The following MCU variants were observed in gnomAD, a reference collection of about 807,000 sequenced individuals.
The protein encoded by MCU is calcium uniporter protein, mitochondrial.
Under a neutral mutation model 45.2 loss-of-function variants are expected in MCU, and 12 were observed. The ratio of observed to expected loss-of-function variants is 0.27; its 90% CI spans 0.17 to 0.43. The LOEUF (loss-of-function observed/expected upper bound fraction) is 0.43. Ranked by LOEUF, MCU falls within the 20% of genes least tolerant of loss-of-function variation. The probability of loss-of-function intolerance (pLI) is 1.00; values close to 1 mark genes in which losing one functional copy is unlikely to be tolerated. For synonymous variants in MCU, 160 were observed against 165.1 expected (o/e 0.97, Z 0.24); for missense variants, 324 against 436.7 (o/e 0.74, Z 2.30).
intron 1 of MCU, among the ~76,000 whole-genome samples, chr10:72,738,602 G>T (rs565803902): frequency 3.9e-5 from 6 of 152,296 alleles, no homozygotes; most frequent in Non-Finnish European, 5.9e-5. Flanking sequence ...CAAAGCCAAA[G>T]GAAATGTTAT....
intron 1 of MCU, among the ~76,000 whole-genome samples, chr10:72,693,787 T>A (rs1198206351): frequency 6.6e-6 from 1 of 152,252 alleles, no homozygotes; most frequent in African/African-American, 2.4e-5. Flanking sequence ...TTATGTGTTT[T>A]GTTCTCTTAA....
chr10:72,786,596 A>G (rs1792229730), intron 1 of MCU, among the ~76,000 whole-genome samples: 1 of 152,094 alleles, frequency 6.6e-6, no homozygotes, highest in Non-Finnish European at 1.5e-5. Context: ...AAATACAAAA[A>G]TTAGCAGGGC....
intron 2 of MCU, among the ~76,000 whole-genome samples, chr10:72,848,900 T>C (rs1364610067): frequency 6.6e-6 from 1 of 152,082 alleles, no homozygotes; most frequent in Non-Finnish European, 1.5e-5. Context: ...AATTACAATG[T>C]AGCTGATAGA....
chr10:72,752,976 G>T (rs986108757), intron 1 of MCU, among the ~76,000 whole-genome samples: 3 of 152,164 alleles, frequency 2.0e-5, no homozygotes, highest in Admixed American at 6.5e-5. Context: ...ACAGTCTGCT[G>T]GTTTCTGCAT....
intron 1 of MCU, among the ~76,000 whole-genome samples, chr10:72,772,340 C>T (rs1457438145): frequency 1.3e-5 from 2 of 152,178 alleles, no homozygotes; most frequent in African/African-American, 4.8e-5. Context: ...TGATCATTTC[C>T]TAGAGCTGAA....
intron 1 of MCU, among the ~76,000 whole-genome samples, chr10:72,739,697 A>ATT (rs748921054): frequency 2.8e-5 from 4 of 141,278 alleles, no homozygotes; most frequent in Non-Finnish European, 1.6e-5. Flanking sequence ...GAACATTAAG[A>ATT]TTTTTTTTTT....
At chr10:72,712,122 T>C (rs1339068822) in intron 1 of MCU, among the ~76,000 whole-genome samples, 1 of 152,244 alleles carries the variant, frequency 6.6e-6, no homozygotes, top group African/African-American at 2.4e-5. Flanking sequence ...TTTCTGTCTC[T>C]ATTTCATATA....
chr10:72,871,454 A>G lies in MCU; in HGVS notation c.735A>G (p.Thr245=), dbSNP rs767042924. Residue 245 remains threonine (T), a synonymous_variant, in exon 6 of 8, where the codon ACA becomes ACG. Coordinates refer to ENST00000373053, the MANE Select transcript of MCU (RefSeq NM_138357.3). ...VLWGGLAYMA[T]QFGILARLTW... Reference sequence around the variant, plus strand: ...GGGGTGGCCTTGCCTACATGGCCACACAGTTTGGCATTTTGGCCCGGCTTA... The same window carrying G: ...GGGGTGGCCTTGCCTACATGGCCACGCAGTTTGGCATTTTGGCCCGGCTTA... The G allele has an allele frequency of 6.2e-7, 1 of 1,614,224 alleles. No individual in the cohort carries two copies. The highest frequency in any genetic ancestry group is 1.1e-5 in the South Asian group (1 of 91,090).
chr10:72,817,959 A>T (rs948416504), intron 1 of MCU, among the ~76,000 whole-genome samples: 2 of 152,232 alleles, frequency 1.3e-5, no homozygotes, highest in East Asian at 3.8e-4. Flanking sequence ...TCTAACCTCT[A>T]AATGTGAAAA....
In MCU at chr10:72,804,017, A is replaced by AAT. The variant is rs35518652; in HGVS notation, c.151-30286_151-30285dup. 2.5e-3 allele frequency among the ~76,000 whole-genome samples: 87 copies of AAT among 34,842 alleles called. 4 individuals carry two copies. The highest frequency in any genetic ancestry group is 4.1e-3 in the East Asian group (3 of 736). 22.9% of individuals were successfully genotyped at this position (34,842 alleles called of 152,430 possible). A position where few individuals can be genotyped will look rare whatever the true frequency, so the allele number is the denominator to read the frequency against. On this transcript the variant is annotated intron_variant, in intron 1 of 7. Coordinates refer to ENST00000373053, the MANE Select transcript of MCU (RefSeq NM_138357.3). ...TCTCTTTGTTTTTGGAATGTAAGTAAATATATATATATATATATATATATA... is the reference window on the plus strand; with the variant it reads ...TCTCTTTGTTTTTGGAATGTAAGTAAATATATATATATATATATATATATATA...
At chr10:72,695,481 A>G (rs753541913) in intron 1 of MCU, among the ~76,000 whole-genome samples, 17 of 152,186 alleles carry the variant, frequency 1.1e-4, no homozygotes, top group Non-Finnish European at 1.9e-4. Context: ...GCACTGTCCC[A>G]TACATTCATA....
intron 1 of MCU, among the ~76,000 whole-genome samples, chr10:72,798,764 T>C (rs1419820330): frequency 6.6e-6 from 1 of 152,144 alleles, no homozygotes; most frequent in Non-Finnish European, 1.5e-5. Context: ...ATACATTCTT[T>C]CAGACTTTTC....
At chr10:72,765,803 A>T (rs545468610) in intron 1 of MCU, among the ~76,000 whole-genome samples, 1 of 151,544 alleles carries the variant, frequency 6.6e-6, no homozygotes, top group East Asian at 1.9e-4. Context: ...AAAAAAAAAA[A>T]AAAAAGAAAG....
At chr10:72,692,478 A>C (rs1345477745) in intron 1 of MCU, 177 bp downstream of exon 1, 18 of 212,100 alleles carry the variant, frequency 8.5e-5, no homozygotes, top group Non-Finnish European at 1.2e-4. Context: ...GCGACCAGGA[A>C]GGGAGGGCGG....
intron 7 of MCU, among the ~76,000 whole-genome samples, chr10:72,884,647 CTT>C (rs780888443): frequency 8.2e-5 from 11 of 134,678 alleles, no homozygotes; most frequent in Admixed American, 1.5e-4. Context: ...CCTACTTTTA[CTT>C]TTTTTTTTTT....
intron 2 of MCU, among the ~76,000 whole-genome samples, chr10:72,857,207 A>C (rs1336944150): frequency 6.6e-6 from 1 of 151,662 alleles, no homozygotes; most frequent in African/African-American, 2.4e-5. Flanking sequence ...TATTTCACTC[A>C]TTTCTCACAA....
chr10:72,692,600 C>A, intron 1 of MCU: 1 of 1,100,320 alleles, frequency 9.1e-7, no homozygotes, highest in Non-Finnish European at 1.1e-6. Context: ...GACTCGCCCC[C>A]AATCGCGTTC....
chr10:72,825,516 A>G (rs932194093), intron 1 of MCU, among the ~76,000 whole-genome samples: 1 of 152,198 alleles, frequency 6.6e-6, no homozygotes, highest in Non-Finnish European at 1.5e-5. Context: ...CCAGAATCCT[A>G]TTACCTGTGT....
intron 1 of MCU, among the ~76,000 whole-genome samples, chr10:72,746,848 G>A (rs911743418): frequency 2.3e-4 from 35 of 152,168 alleles, no homozygotes; most frequent in African/African-American, 8.2e-4. Flanking sequence ...AATTGGGGAG[G>A]TGACTAATTT....
Sources: allele counts gnomAD v4.1 joint callset (sites outside exome capture counted in the v4.1 genomes callset), GRCh38; gene constraint gnomAD v4.1.1; transcripts MANE v1.5; gene names NCBI Gene and HGNC (gene_info 2026-07-23, HGNC 2026-07-21).